Variants in MIB1 observed in about 807,000 individuals in gnomAD.
The protein encoded by MIB1 is MIB E3 ubiquitin protein ligase 1, also known as E3 ubiquitin-protein ligase MIB1.
In MIB1, 278 loss-of-function variants were observed where a neutral mutation model predicts 124.5. The ratio of observed to expected loss-of-function variants is 2.23; its 90% CI spans 2.02 to 2.47. MIB1 has a LOEUF of 2.47. MIB1 is among the 30% of genes most tolerant of loss of function. The probability of loss-of-function intolerance (pLI) is 0.00; values close to 1 mark genes in which losing one functional copy is unlikely to be tolerated. For synonymous variants in MIB1, 446 were observed against 429.4 expected (o/e 1.04, Z -0.48); for missense variants, 957 against 1,254.4 (o/e 0.76, Z 3.58).
At chr18:21,717,729 C>A (rs1427693294) in intron 1 of MIB1, among the ~76,000 whole-genome samples, 2 of 152,032 alleles carry the variant, frequency 1.3e-5, no homozygotes, top group Non-Finnish European at 2.9e-5. Flanking sequence ...TGGCCATAAT[C>A]AAAAAATAAA....
chr18:21,833,175 G>A (rs2041999702), intron 12 of MIB1, among the ~76,000 whole-genome samples: 1 of 152,160 alleles, frequency 6.6e-6, no homozygotes, highest in African/African-American at 2.4e-5. Context: ...TTGCTCCTCA[G>A]ATTTGTGATA....
intron 1 of MIB1, among the ~76,000 whole-genome samples, chr18:21,754,512 G>T (rs2041009301): frequency 6.6e-6 from 1 of 152,216 alleles, no homozygotes; most frequent in East Asian, 1.9e-4. Context: ...GTATTGTGGG[G>T]CTCGTGTTCA....
chr18:21,734,332 C>G (rs1008079929), intron 1 of MIB1, among the ~76,000 whole-genome samples: 1 of 151,966 alleles, frequency 6.6e-6, no homozygotes, highest in Non-Finnish European at 1.5e-5. Flanking sequence ...GTCTCAATCT[C>G]CTGACCTCGT....
rs139693470 is a variant in MIB1 at position 21,810,576 on chromosome 18, A to G, written c.1480-5040A>G. On this transcript the variant is annotated intron_variant, in intron 10 of 20. Coordinates refer to ENST00000261537, the MANE Select transcript of MIB1 (RefSeq NM_020774.4). ...GAAAGAAGAGAATTGAGAATTCAGA[A>G]ATAAGCCTTTGCATTAAGGTCAATT... Among the ~76,000 whole-genome samples the G allele has an allele frequency of 1.8e-3, 270 of 152,088 alleles. 7 individuals carry two copies. In the East Asian group the frequency reaches 0.046, roughly 26 times the overall value.
upstream of MIB1, among the ~76,000 whole-genome samples, chr18:21,739,015 AG>A (rs1445792011): frequency 2.6e-5 from 4 of 151,950 alleles, no homozygotes; most frequent in Admixed American, 2.6e-4. Context: ...TTTTTGAAAA[AG>A]ATCAACTACA....
rs569940551 is a variant in MIB1 at position 21,772,446 on chromosome 18, G to A, written c.532-1178G>A. Among the ~76,000 whole-genome samples the A allele has an allele frequency of 5.9e-5, 9 of 152,230 alleles. No individual in the cohort carries two copies. The South Asian group carries it at 1.9e-3, about 32-fold the overall frequency. On this transcript the variant is annotated intron_variant, in intron 3 of 20. Transcript: ENST00000261537. Reference sequence around the variant, plus strand: ...TTCCAAATAAAAAAATCTGAAACCTGAAATACTCCAAAATATGAAACTTCT... The same window carrying A: ...TTCCAAATAAAAAAATCTGAAACCTAAAATACTCCAAAATATGAAACTTCT...
intron 1 of MIB1, among the ~76,000 whole-genome samples, chr18:21,707,750 G>A (rs1197811181): frequency 6.6e-6 from 1 of 152,162 alleles, no homozygotes; most frequent in African/African-American, 2.4e-5. Context: ...TGGACACACG[G>A]GGATTACAGG....
At chr18:21,755,360 C>G (rs547678904) in intron 1 of MIB1, among the ~76,000 whole-genome samples, 12 of 147,718 alleles carry the variant, frequency 8.1e-5, no homozygotes, top group African/African-American at 2.8e-4. Flanking sequence ...GAGACAGAGT[C>G]TCACTCTGTC....
chr18:21,752,786 G>GTGTA (rs767024941), intron 1 of MIB1, among the ~76,000 whole-genome samples: 2 of 152,102 alleles, frequency 1.3e-5, no homozygotes, highest in Admixed American at 1.3e-4. Flanking sequence ...CATCTTCCAG[G>GTGTA]TGTATGTTCA....
At chr18:21,828,204 G>A (rs79894311) in intron 12 of MIB1, 5 of 151,878 alleles carry the variant, frequency 3.3e-5, no homozygotes, top group African/African-American at 1.2e-4. Context: ...CATTTTACAT[G>A]CCCTCTTTGG....
rs181870956 is a variant in MIB1, at chr18:21,725,774, G to C, written n.167+20651G>C. ...AGGAAGGAAGGAAGGAAGGAGGGAG[G>C]GAGGGAGAGAGGGAAGGAAGGAAGG... On this transcript the variant is annotated intron_variant and non_coding_transcript_variant, in intron 1 of 20. Coordinates refer to the MIB1 transcript ENST00000578646. Among the ~76,000 whole-genome samples, 32 of 139,346 alleles carry C rather than the reference G, an allele frequency of 2.3e-4. No homozygotes were observed. The East Asian group carries it at 6.5e-3, about 28-fold the overall frequency. The allele number at this position is 139,346 out of a possible 152,430, so 91.4% of individuals were successfully genotyped here.
At chr18:21,771,861 A>G (rs766851382) in intron 3 of MIB1, among the ~76,000 whole-genome samples, 3 of 151,924 alleles carry the variant, frequency 2.0e-5, no homozygotes, top group Admixed American at 6.6e-5. Context: ...TTAGCCGGGC[A>G]TGGTGGTGGG....
chr18:21,804,482 C>T (rs951350593), intron 10 of MIB1, among the ~76,000 whole-genome samples: 10 of 152,200 alleles, frequency 6.6e-5, no homozygotes, highest in South Asian at 2.1e-4. Flanking sequence ...GCATGTTTAT[C>T]ACCATATGTG....
chr18:21,798,227 T>G lies in MIB1; in HGVS notation c.1236T>G (p.Gly412=), dbSNP rs774319387. 6 of 1,612,630 alleles carry G rather than the reference T, an allele frequency of 3.7e-6. No individual in the cohort carries two copies. The East Asian group carries it at 1.3e-4, about 36-fold the overall frequency. ...GATCAGCCATTAGCAATGCATCTGG[T>G]GGTATGTTTTATATTGTGTTTCTTT... ...SAGSAISNAS[G]ERLSQLLKKL... Residue 412 remains glycine (G), a splice_region_variant and synonymous_variant, in exon 8 of 21, where the codon GGT becomes GGG. Coordinates refer to ENST00000261537, the MANE Select transcript of MIB1 (RefSeq NM_020774.4).
At chr18:21,787,618 A>G (rs1028528366) in intron 6 of MIB1, among the ~76,000 whole-genome samples, 20 of 152,078 alleles carry the variant, frequency 1.3e-4, no homozygotes, top group African/African-American at 4.8e-4. Flanking sequence ...CCTGGTAGAT[A>G]GGGGGAAGGA....
chr18:21,737,964 G>C (rs375571343), upstream of MIB1, among the ~76,000 whole-genome samples: 6 of 152,282 alleles, frequency 3.9e-5, no homozygotes, highest in East Asian at 1.2e-3. Context: ...CTATTGGACA[G>C]ATCAACAAGA....
chr18:21,816,372 T>A (rs1425695006), intron 11 of MIB1, among the ~76,000 whole-genome samples: 1 of 152,094 alleles, frequency 6.6e-6, no homozygotes, highest in Non-Finnish European at 1.5e-5. Context: ...ATATAGAAAA[T>A]GTAGTCTGTG....
intron 12 of MIB1, chr18:21,828,462 C>T (rs947942145): frequency 6.6e-6 from 1 of 151,938 alleles, no homozygotes; most frequent in Admixed American, 6.6e-5. Context: ...AAAAAGAAAG[C>T]CTTTTTAAAA....
intron 14 of MIB1, 140 bp from the exon 15 acceptor site, chr18:21,843,952 G>A: frequency 1.4e-6 from 1 of 725,926 alleles, no homozygotes. Flanking sequence ...GAGAAGAGTA[G>A]AAGGCAAAAG....
Sources: gnomAD v4.1 joint callset for allele counts (sites outside exome capture counted in the v4.1 genomes callset) on GRCh38, gnomAD v4.1.1 for gene constraint, MANE v1.5 for transcripts, NCBI Gene and HGNC (gene_info 2026-07-23, HGNC 2026-07-21) for gene names.